HDAC9: variants seen among roughly 807,000 people sequenced by gnomAD.
HDAC9 encodes the protein MEF-2 interacting transcription repressor (MITR) protein.
HDAC9 carries 41 observed loss-of-function variants against 139.4 expected under a neutral mutation model. The ratio of observed to expected loss-of-function variants is 0.29; its 90% CI spans 0.23 to 0.38. The LOEUF is 0.38. Ranked by LOEUF, HDAC9 falls within the 10% of genes least tolerant of loss-of-function variation. The pLI, the probability that HDAC9 is intolerant of heterozygous loss-of-function variation, is 1.00. For synonymous variants in HDAC9, 517 were observed against 476.2 expected, an observed-to-expected ratio of 1.09 and a Z score of -1.12; for missense variants, 1,147 against 1,297.0, an observed-to-expected ratio of 0.88 and a Z score of 1.78.
At chr7:18,739,543 T>G (rs911658381) in intron 13 of HDAC9, among the ~76,000 whole-genome samples, 6 of 152,144 alleles carry the variant, frequency 3.9e-5, no homozygotes, top group African/African-American at 1.2e-4. Flanking sequence ...TCTGTTGGAG[T>G]TTGTTGGAGG....
intron 2 of HDAC9, among the ~76,000 whole-genome samples, chr7:18,270,143 G>A (rs939888820): frequency 6.6e-6 from 1 of 152,098 alleles, no homozygotes; most frequent in Admixed American, 6.6e-5. Context: ...GGGGCACTGT[G>A]TAGTGGCAGA....
chr7:18,427,110 G>C (rs1025679017), intron 1 of HDAC9, among the ~76,000 whole-genome samples: 6 of 152,138 alleles, frequency 3.9e-5, no homozygotes, highest in African/African-American at 1.4e-4. Context: ...TTAACCGGCT[G>C]GAGAGTAACA....
chr7:18,713,383 T>C (rs1784481465), intron 12 of HDAC9, among the ~76,000 whole-genome samples: 1 of 152,266 alleles, frequency 6.6e-6, no homozygotes, highest in East Asian at 1.9e-4. Context: ...CAAAAACCAA[T>C]TGTTAGAAGA....
intron 1 of HDAC9, among the ~76,000 whole-genome samples, chr7:18,392,960 T>C (rs971413327): frequency 6.0e-5 from 4 of 66,826 alleles, no homozygotes; most frequent in Non-Finnish European, 1.5e-4. Context: ...ACTAATAAAA[T>C]AGACAAAATT....
At chr7:18,170,412 T>G (rs914363232) in intron 2 of HDAC9, among the ~76,000 whole-genome samples, 2 of 152,224 alleles carry the variant, frequency 1.3e-5, no homozygotes, top group Non-Finnish European at 2.9e-5. Context: ...ACTCTGATAA[T>G]AGTTTCTTTT....
intron 22 of HDAC9, among the ~76,000 whole-genome samples, chr7:18,906,593 A>G (rs1331248663): frequency 6.6e-6 from 1 of 152,186 alleles, no homozygotes; most frequent in Non-Finnish European, 1.5e-5. Flanking sequence ...GGTGGGGAAA[A>G]TGATGGTAAA....
rs79825453 is a variant in HDAC9 at position 18,532,740 on chromosome 7, G to A, written c.22+36416G>A. Among the ~76,000 whole-genome samples the A allele has an allele frequency of 8.6e-3, 1,303 of 151,670 alleles. 19 individuals carry two copies. Among genetic ancestry groups the A allele is most frequent in the African/African-American group, 0.03 (1,228 of 41,402 alleles). ...AGGAAAAGGTCTTTTAATGAAAATAGCAGTTCTCTACTCTGCCTCTCCCCA... is the reference window on the plus strand; with the variant it reads ...AGGAAAAGGTCTTTTAATGAAAATAACAGTTCTCTACTCTGCCTCTCCCCA... On this transcript the variant is annotated intron_variant, in intron 2 of 25. Transcript: ENST00000686413.
At chr7:18,789,541 A>T (rs1792124970) in intron 16 of HDAC9, among the ~76,000 whole-genome samples, 1 of 152,104 alleles carries the variant, frequency 6.6e-6, no homozygotes, top group Non-Finnish European at 1.5e-5. Context: ...ACTGTCATTT[A>T]TTTCCTTTCC....
intron 1 of HDAC9, among the ~76,000 whole-genome samples, chr7:18,446,643 T>C (rs1792322284): frequency 6.6e-6 from 1 of 152,258 alleles, no homozygotes; most frequent in Non-Finnish European, 1.5e-5. Flanking sequence ...ACTGTTGATA[T>C]AGTTTTTTTC....
At chr7:18,486,612 C>G (rs1795993863) in intron 1 of HDAC9, among the ~76,000 whole-genome samples, 1 of 152,070 alleles carries the variant, frequency 6.6e-6, no homozygotes, top group Non-Finnish European at 1.5e-5. Context: ...AAATTATTTT[C>G]AGTAAACATA....
intron 2 of HDAC9, among the ~76,000 whole-genome samples, chr7:18,224,479 T>A (rs1406904009): frequency 6.6e-6 from 1 of 152,120 alleles, no homozygotes; most frequent in African/African-American, 2.4e-5. Flanking sequence ...AGGCAGGAAG[T>A]CACATTTAAA....
chr7:18,319,119 G>A (rs955044785), intron 1 of HDAC9, among the ~76,000 whole-genome samples: 2 of 152,128 alleles, frequency 1.3e-5, no homozygotes, highest in Non-Finnish European at 2.9e-5. Flanking sequence ...ACAGTTCTGA[G>A]CTGATAATCT....
At chr7:18,375,781 G>A (rs1237513108) in intron 1 of HDAC9, among the ~76,000 whole-genome samples, 1 of 152,294 alleles carries the variant, frequency 6.6e-6, no homozygotes, top group East Asian at 1.9e-4. Context: ...AATCCTAGCT[G>A]GCCCTAACCA....
At chr7:18,984,465 A>C (rs934313796) in intron 25 of HDAC9, among the ~76,000 whole-genome samples, 1 of 152,092 alleles carries the variant, frequency 6.6e-6, no homozygotes, top group Non-Finnish European at 1.5e-5. Flanking sequence ...AGAGAGAGAG[A>C]GAGATAACTT....
intron 2 of HDAC9, among the ~76,000 whole-genome samples, chr7:18,261,147 TAA>T (rs79946005): frequency 6.7e-6 from 1 of 148,522 alleles, no homozygotes; most frequent in African/African-American, 2.5e-5. Flanking sequence ...TACAAAAAAT[TAA>T]AAAAAAAAAT....
At chr7:18,733,690 T>C (rs1786611926) in intron 13 of HDAC9, among the ~76,000 whole-genome samples, 1 of 151,944 alleles carries the variant, frequency 6.6e-6, no homozygotes, top group Non-Finnish European at 1.5e-5. Flanking sequence ...TATACATACA[T>C]ACACACACAT....
chr7:18,862,040 T>C (rs1350943216), intron 21 of HDAC9, among the ~76,000 whole-genome samples: 1 of 152,184 alleles, frequency 6.6e-6, no homozygotes, highest in African/African-American at 2.4e-5. Flanking sequence ...AGAGCTCCAA[T>C]CTCTTTAGAA....
At chr7:18,092,445 C>T (rs1214696878) in intron 1 of HDAC9, among the ~76,000 whole-genome samples, 2 of 150,146 alleles carry the variant, frequency 1.3e-5, no homozygotes, top group Non-Finnish European at 3.0e-5. Context: ...GTCAGCAGAC[C>T]TGACTTTGAA....
intron 6 of HDAC9, among the ~76,000 whole-genome samples, chr7:18,613,759 T>A (rs745414595): frequency 3.9e-5 from 6 of 152,148 alleles, no homozygotes; most frequent in Non-Finnish European, 7.4e-5. Context: ...TGGTCTCTTC[T>A]AAATCAGTGT....
Sources: gnomAD v4.1 joint callset for allele counts (sites outside exome capture counted in the v4.1 genomes callset) on GRCh38, gnomAD v4.1.1 for gene constraint, MANE v1.5 for transcripts, NCBI Gene and HGNC (gene_info 2026-07-23, HGNC 2026-07-21) for gene names.